The following POTEB variants were observed in gnomAD, a reference collection of about 807,000 sequenced individuals.
POTEB encodes the protein POTE ankyrin domain family member B.
At chr15:21,847,145 C>T (rs1265055050) in intron 10 of POTEB, among the ~76,000 whole-genome samples, 1 of 139,622 alleles carries the variant, frequency 7.2e-6, no homozygotes, top group Non-Finnish European at 1.6e-5. Flanking sequence ...ACACTCAACT[C>T]ATTTAAGATC....
At chr15:21,870,340 G>A (rs1275318714) in intron 3 of POTEB, among the ~76,000 whole-genome samples, 19 of 74,222 alleles carry the variant, frequency 2.6e-4, no homozygotes, top group South Asian at 1.0e-3. Context: ...GCTTAGGGAC[G>A]TCAAGGCTGT....
At chr15:21,855,187 T>C (rs1412644309) in intron 9 of POTEB, among the ~76,000 whole-genome samples, 1 of 148,398 alleles carries the variant, frequency 6.7e-6, no homozygotes. Flanking sequence ...GGAAAGATAC[T>C]GTCACACATG....
At chr15:21,855,224 C>A (rs574920880) in intron 9 of POTEB, among the ~76,000 whole-genome samples, 1 of 148,312 alleles carries the variant, frequency 6.7e-6, no homozygotes, top group South Asian at 2.2e-4. Context: ...ATAAGTGTTA[C>A]TGCATTAGCA....
At chr15:21,854,868 C>T (rs1473293717) in intron 9 of POTEB, among the ~76,000 whole-genome samples, 1 of 146,058 alleles carries the variant, frequency 6.8e-6, no homozygotes, top group Non-Finnish European at 1.5e-5. Context: ...TAAAAGTTGC[C>T]TTGACCATTT....
At chr15:21,869,215 CA>C in intron 3 of POTEB, 37 bp from the exon 4 acceptor site, 4 of 67,926 alleles carry the variant, frequency 5.9e-5, no homozygotes, top group Non-Finnish European at 1.0e-4. Flanking sequence ...ATATGTAATT[CA>C]AAAAATTATG....
rs1393841159 is a variant in POTEB, at chr15:21,855,039, A to G, written c.1298+1753T>C. ...ACAAAGTAATTGATCACCATAAAATACTGAATTCTATTAACAGGAATAAAG... is the reference window on the plus strand; with the variant it reads ...ACAAAGTAATTGATCACCATAAAATGCTGAATTCTATTAACAGGAATAAAG... On this transcript the variant is annotated intron_variant, in intron 9 of 10. Coordinates refer to ENST00000439682, the MANE Select transcript of POTEB (RefSeq NM_001277304.2). Among the ~76,000 whole-genome samples, 25 of 145,818 alleles carry G rather than the reference A, an allele frequency of 1.7e-4. 2 individuals carry two copies. The highest frequency in any genetic ancestry group is 3.7e-4 in the Non-Finnish European group (24 of 65,636).
intron 4 of POTEB, among the ~76,000 whole-genome samples, chr15:21,868,659 A>ACTCCTATT (rs1890045878): frequency 1.4e-5 from 1 of 71,092 alleles, no homozygotes; most frequent in Non-Finnish European, 2.6e-5. Flanking sequence ...AGGATTTTCG[A>ACTCCTATT]CTCCTATTTA....
chr15:21,855,243 C>T (rs1211503167), intron 9 of POTEB, among the ~76,000 whole-genome samples: 1 of 148,332 alleles, frequency 6.7e-6, no homozygotes, highest in East Asian at 2.0e-4. Context: ...CAGCACCTTC[C>T]TTTTAGCACA....
At chr15:21,854,465 A>C (rs1346397417) in intron 9 of POTEB, among the ~76,000 whole-genome samples, 3 of 150,432 alleles carry the variant, frequency 2.0e-5, no homozygotes, top group African/African-American at 7.3e-5. Context: ...TGGCTCAAAT[A>C]TTGCTGACAG....
intron 3 of POTEB, among the ~76,000 whole-genome samples, chr15:21,871,738 GA>G (rs372481275): frequency 0.15 from 1,655 of 10,752 alleles, 189 homozygotes; most frequent in East Asian, 0.26. Flanking sequence ...GGGAAAAATT[GA>G]AAAAAAAAAA....
chr15:21,854,832 G>C (rs1366263540), intron 9 of POTEB, among the ~76,000 whole-genome samples: 3 of 145,410 alleles, frequency 2.1e-5, no homozygotes. Context: ...GCCAGACCAA[G>C]GTGTTAAATC....
At chr15:21,854,673 C>CT (rs1889834794) in intron 9 of POTEB, among the ~76,000 whole-genome samples, 1 of 149,106 alleles carries the variant, frequency 6.7e-6, no homozygotes, top group Admixed American at 6.9e-5. Context: ...GGAGTCATGG[C>CT]TGAGAATGTT....
At chr15:21,855,520 AT>A (rs1325440727) in intron 9 of POTEB, among the ~76,000 whole-genome samples, 2 of 132,040 alleles carry the variant, frequency 1.5e-5, no homozygotes, top group East Asian at 2.1e-4. Flanking sequence ...CTCAAAAAAA[AT>A]AAATATATAT....
chr15:21,855,261 G>A (rs758633673), intron 9 of POTEB, among the ~76,000 whole-genome samples: 1 of 148,334 alleles, frequency 6.7e-6, no homozygotes, highest in Non-Finnish European at 1.5e-5. Flanking sequence ...ACAAGGGTCA[G>A]CAAATTAGCA....
intron 3 of POTEB, among the ~76,000 whole-genome samples, chr15:21,871,365 A>ACACACACC (rs1491191226): frequency 1.9e-4 from 1 of 5,248 alleles, no homozygotes; most frequent in African/African-American, 5.5e-4. Flanking sequence ...AACAATAACA[A>ACACACACC]CACACACACA....
intron 9 of POTEB, among the ~76,000 whole-genome samples, chr15:21,855,235 G>A (rs1889858499): frequency 1.3e-5 from 2 of 148,336 alleles, no homozygotes; most frequent in Admixed American, 7.0e-5. Context: ...TGCATTAGCA[G>A]CACCTTCCTT....
At chr15:21,854,503 T>G (rs1339455984) in intron 9 of POTEB, among the ~76,000 whole-genome samples, 5 of 150,778 alleles carry the variant, frequency 3.3e-5, no homozygotes, top group Middle Eastern at 3.2e-3. Flanking sequence ...GGAAGAAAAG[T>G]GCCTAGATTT....
intron 9 of POTEB, among the ~76,000 whole-genome samples, chr15:21,855,225 T>A (rs1226834728): frequency 2.7e-5 from 4 of 146,464 alleles, no homozygotes; most frequent in South Asian, 2.2e-4. Flanking sequence ...TAAGTGTTAC[T>A]GCATTAGCAG....
At chr15:21,855,200 G>T (rs1252571152) in intron 9 of POTEB, among the ~76,000 whole-genome samples, 2 of 148,286 alleles carry the variant, frequency 1.3e-5, no homozygotes, top group Non-Finnish European at 3.0e-5. Flanking sequence ...CACACATGCT[G>T]GGCACTTTTA....
Sources: allele counts gnomAD v4.1 joint callset (sites outside exome capture counted in the v4.1 genomes callset), GRCh38; gene constraint gnomAD v4.1.1; transcripts MANE v1.5; gene names NCBI Gene and HGNC (gene_info 2026-07-23, HGNC 2026-07-21).